UBAC1: variants seen among roughly 807,000 people sequenced by gnomAD.
UBAC1 encodes ubiquitin-associated domain-containing protein 1.
Under a neutral mutation model 45.9 loss-of-function variants are expected in UBAC1, and 27 were observed. The ratio of observed to expected loss-of-function variants is 0.59; its 90% CI spans 0.43 to 0.81. The LOEUF is 0.81. UBAC1 is among the 30% of genes least tolerant of loss of function. The pLI, the probability that UBAC1 is intolerant of heterozygous loss-of-function variation, is 0.00. For missense variants in UBAC1, 529 were observed against 539.2 expected (o/e 0.98, Z 0.19); for synonymous variants, 227 against 215.5 (o/e 1.05, Z -0.47).
Position 135,953,701 on chromosome 9 carries a change from A to G in UBAC1, c.312T>C (p.Ala104=). Residue 104 remains alanine (A), a synonymous_variant, in exon 3 of 10, where the codon GCT becomes GCC. Transcript: ENST00000371756. ...TTACCTTTTCTTCTGCTGAGACATC[A>G]GCCATCTTGGGAAGTGGTGATGGAG... is the stretch of plus-strand genomic sequence containing the variant. ...KRAPSPLPKM[A]DVSAEEKKKQ... 1.9e-6 allele frequency: 3 copies of G among 1,613,992 alleles called. No homozygotes were observed. Among genetic ancestry groups the G allele is most frequent in the Non-Finnish European group, 2.5e-6 (3 of 1,179,910 alleles).
In UBAC1 at chr9:135,940,051, C is replaced by T. The variant is rs115273557; in HGVS notation, c.877-292G>A. 7.2e-3 allele frequency among the ~76,000 whole-genome samples: 1,103 copies of T among 152,278 alleles called. 13 individuals carry two copies. The highest frequency in any genetic ancestry group is 0.023 in the African/African-American group (942 of 41,554). On this transcript the variant is annotated intron_variant, in intron 7 of 9. Transcript: ENST00000371756. ...CAGGTTGTGACAGGTAGAAACGCATCGCTTATGTGGACACGAGGCAGTCAG... is the reference window on the plus strand; with the variant it reads ...CAGGTTGTGACAGGTAGAAACGCATTGCTTATGTGGACACGAGGCAGTCAG...
chr9:135,939,480 C>T (rs977316041), intron 8 of UBAC1, among the ~76,000 whole-genome samples, 193 bp downstream of exon 8: 7 of 142,196 alleles, frequency 4.9e-5, no homozygotes, highest in African/African-American at 1.3e-4. Context: ...ACAGCCCACA[C>T]TCACTCACCA....
At chr9:135,947,345 G>A (rs1029083129) in intron 4 of UBAC1, among the ~76,000 whole-genome samples, 15 of 152,024 alleles carry the variant, frequency 9.9e-5, no homozygotes, top group Middle Eastern at 3.4e-3. Context: ...TCCGCCTCCC[G>A]GGTTCAAGTG....
At chr9:135,938,966 T>G (rs570355511) in intron 8 of UBAC1, among the ~76,000 whole-genome samples, 6 of 152,216 alleles carry the variant, frequency 3.9e-5, no homozygotes, top group Admixed American at 6.5e-5. Flanking sequence ...CCCAGCACTT[T>G]GGAAGCCAAA....
At chr9:135,943,145 C>T (rs967749971) in intron 7 of UBAC1, among the ~76,000 whole-genome samples, 11 of 152,276 alleles carry the variant, frequency 7.2e-5, no homozygotes, top group African/African-American at 1.9e-4. Flanking sequence ...GTTGGCCGGG[C>T]GCAGTGTCTC....
chr9:135,956,510 C>T (rs1839468065), intron 1 of UBAC1, among the ~76,000 whole-genome samples: 1 of 152,172 alleles, frequency 6.6e-6, no homozygotes, highest in Non-Finnish European at 1.5e-5. Flanking sequence ...CCTGCATGTT[C>T]GTGCCCAAGT....
In UBAC1 at chr9:135,953,731, C is replaced by CT. The variant is rs1157368718; in HGVS notation, c.281dup (p.Arg95AlafsTer11). ...TCTTGGGAAGTGGTGATGGAGCACG[C>CT]TTTTTTATCAATAATAGGACATCTA... On this transcript the variant is annotated frameshift_variant, in exon 3 of 10. Coordinates refer to ENST00000371756, the MANE Select transcript of UBAC1 (RefSeq NM_016172.3). LOFTEE classifies it high-confidence loss of function. The CT allele has an allele frequency of 1.2e-6, 2 of 1,613,830 alleles. No homozygotes were observed. The highest frequency in any genetic ancestry group is 1.3e-5 in the African/African-American group (1 of 74,920).
At position 135,933,406 on chromosome 9, in the gene UBAC1, G is replaced by C; in HGVS notation, c.1212C>G (p.Arg404=). 6.2e-7 allele frequency: 1 copy of C among 1,613,988 alleles called. No homozygotes were observed. The highest frequency in any genetic ancestry group is 1.1e-5 in the South Asian group (1 of 91,086). The change falls in exon 10 of 10, where the codon CGC becomes CGG. Residue 404 remains arginine (R), a synonymous_variant. Coordinates refer to ENST00000371756, the MANE Select transcript of UBAC1 (RefSeq NM_016172.3). ...CCGAGTGGAACAACGCCACCTACGTGCGATTTAGTGTCTGGAAGATTCTAG... is the reference window on the plus strand; with the variant it reads ...CCGAGTGGAACAACGCCACCTACGTCCGATTTAGTGTCTGGAAGATTCTAG... The part of the protein sequence containing the change: ...QISRIFQTLN[R]T
At chr9:135,938,408 C>T (rs761236236) in intron 8 of UBAC1, 48 bp from the exon 9 acceptor site, 1 of 1,588,718 alleles carries the variant, frequency 6.3e-7, no homozygotes, top group African/African-American at 1.3e-5. Context: ...TTCAGTGCCT[C>T]CGCAAGACGC....
intron 7 of UBAC1, 85 bp downstream of exon 7, chr9:135,944,943 C>T (rs1243491076): frequency 8.8e-6 from 12 of 1,371,098 alleles, no homozygotes; most frequent in Non-Finnish European, 1.2e-5. Flanking sequence ...CAAGGTCAGC[C>T]ATGCAGCCCC....
At chr9:135,958,123 T>C (rs1839489895) in intron 1 of UBAC1, among the ~76,000 whole-genome samples, 1 of 150,848 alleles carries the variant, frequency 6.6e-6, no homozygotes, top group South Asian at 2.1e-4. Context: ...CTCGGCTCAC[T>C]GCAAGTCCCA....
intron 5 of UBAC1, 58 bp downstream of exon 5, chr9:135,946,211 C>G: frequency 7.9e-7 from 1 of 1,270,152 alleles, no homozygotes. Context: ...GAGCTGCAGA[C>G]GCTCCCCAAG....
chr9:135,940,985 G>C (rs1839263653), intron 7 of UBAC1, among the ~76,000 whole-genome samples: 1 of 152,200 alleles, frequency 6.6e-6, no homozygotes, highest in South Asian at 2.1e-4. Context: ...CCCGCGGACG[G>C]TGCACGTCCA....
intron 7 of UBAC1, among the ~76,000 whole-genome samples, chr9:135,940,043 A>C (rs1484253304): frequency 6.6e-6 from 1 of 152,208 alleles, no homozygotes; most frequent in East Asian, 1.9e-4. Context: ...TGACAGGTAG[A>C]AACGCATCGC....
intron 5 of UBAC1, 113 bp downstream of exon 5, chr9:135,946,156 G>A: frequency 9.6e-7 from 1 of 1,037,498 alleles, no homozygotes; most frequent in South Asian, 1.4e-5. Flanking sequence ...GCCCTCATCA[G>A]CGCTTCCATA....
intron 1 of UBAC1, among the ~76,000 whole-genome samples, chr9:135,956,345 A>G (rs1044518549): frequency 2.0e-5 from 3 of 152,196 alleles, no homozygotes; most frequent in South Asian, 2.1e-4. Context: ...TCTGCAAAAC[A>G]GCACACAGCT....
At chr9:135,959,624 C>T (rs993571112) in intron 1 of UBAC1, among the ~76,000 whole-genome samples, 1 of 152,082 alleles carries the variant, frequency 6.6e-6, no homozygotes, top group Non-Finnish European at 1.5e-5. Context: ...CCGCCCACCT[C>T]GGCCTCCCAA....
At chr9:135,952,422 T>C (rs965940693) in intron 3 of UBAC1, among the ~76,000 whole-genome samples, 4 of 152,238 alleles carry the variant, frequency 2.6e-5, no homozygotes, top group East Asian at 1.9e-4. Flanking sequence ...GCAGGCTCCA[T>C]GCTCGGCACG....
chr9:135,940,065 C>G (rs955785187), intron 7 of UBAC1, among the ~76,000 whole-genome samples: 1 of 152,132 alleles, frequency 6.6e-6, no homozygotes, highest in African/African-American at 2.4e-5. Context: ...TATGTGGACA[C>G]GAGGCAGTCA....
Sources: allele counts gnomAD v4.1 joint callset (sites outside exome capture counted in the v4.1 genomes callset), GRCh38; gene constraint gnomAD v4.1.1; transcripts MANE v1.5; gene names NCBI Gene and HGNC (gene_info 2026-07-23, HGNC 2026-07-21).